Variants in ANKIB1 observed in about 807,000 individuals in gnomAD.
ANKIB1 encodes the protein ankyrin repeat and IBR domain-containing protein 1.
A neutral mutation model predicts 122.1 loss-of-function variants in ANKIB1; 43 were observed. That is an observed-to-expected ratio of 0.35 (90% CI 0.28 to 0.45). The LOEUF is 0.45. Among genes scored for constraint, ANKIB1 ranks in the 20% least tolerant of loss-of-function variants. The probability of loss-of-function intolerance (pLI) is 1.00; values close to 1 mark genes in which losing one functional copy is unlikely to be tolerated. For synonymous variants in ANKIB1, 390 were observed against 442.0 expected, an observed-to-expected ratio of 0.88 and a Z score of 1.48; for missense variants, 992 against 1,329.5, an observed-to-expected ratio of 0.75 and a Z score of 3.95.
In ANKIB1 at chr7:92,344,707, C is replaced by T. The variant is rs552072631; in HGVS notation, c.997-271C>T. 3.3e-5 allele frequency among the ~76,000 whole-genome samples: 5 copies of T among 152,226 alleles called. No homozygotes were observed. The South Asian group carries it at 8.3e-4, about 25-fold the overall frequency. On this transcript the variant is annotated intron_variant, in intron 6 of 19. Coordinates refer to ENST00000265742, the MANE Select transcript of ANKIB1 (RefSeq NM_019004.2). The stretch of plus-strand genomic sequence containing the variant: ...TGTTTCTTGTACTTCGTTTTCCAAA[C>T]GCACAGTTGCTGATTAATACATAAA...
In ANKIB1 at chr7:92,365,749, G is replaced by A. The variant is rs370582496; in HGVS notation, c.1486+3476G>A. Among the ~76,000 whole-genome samples, 4 of 151,542 alleles carry A rather than the reference G, an allele frequency of 2.6e-5. 1 individual carries two copies. On this transcript the variant is annotated intron_variant, in intron 10 of 19. Transcript: ENST00000265742. Reference sequence around the variant, plus strand: ...TTAAGATGGGTAATTCAGGTGGGAGGGGGCATATACAGGAGAGTTATAAGA... The same window carrying A: ...TTAAGATGGGTAATTCAGGTGGGAGAGGGCATATACAGGAGAGTTATAAGA...
intron 1 of ANKIB1, among the ~76,000 whole-genome samples, chr7:92,256,739 T>G (rs572990310): frequency 1.3e-5 from 2 of 152,362 alleles, no homozygotes; most frequent in Non-Finnish European, 2.9e-5. Context: ...TATCTGTATG[T>G]TACCTCAGAA....
intron 6 of ANKIB1, among the ~76,000 whole-genome samples, chr7:92,344,692 A>G (rs1174348272): frequency 2.6e-5 from 4 of 152,174 alleles, no homozygotes; most frequent in African/African-American, 9.7e-5. Flanking sequence ...TGTTTCTTGT[A>G]CTTCGTTTTC....
At chr7:92,312,265 T>C (rs980639891) in intron 3 of ANKIB1, among the ~76,000 whole-genome samples, 2 of 152,240 alleles carry the variant, frequency 1.3e-5, no homozygotes, top group Non-Finnish European at 2.9e-5. Flanking sequence ...TTAATTATTC[T>C]AAATTATTTG....
chr7:92,330,853 A>C (rs1441933417), intron 5 of ANKIB1, among the ~76,000 whole-genome samples: 2 of 152,182 alleles, frequency 1.3e-5, no homozygotes, highest in African/African-American at 2.4e-5. Context: ...AAACAAAAAC[A>C]AAAACAAAAA....
At chr7:92,302,589 A>G (rs766998771) in intron 2 of ANKIB1, among the ~76,000 whole-genome samples, 9 of 152,196 alleles carry the variant, frequency 5.9e-5, no homozygotes, top group Non-Finnish European at 1.2e-4. Context: ...TCTAATTTGG[A>G]TATATAATTC....
chr7:92,260,742 A>G (rs1157239241), intron 1 of ANKIB1, among the ~76,000 whole-genome samples: 1 of 151,932 alleles, frequency 6.6e-6, no homozygotes, highest in Non-Finnish European at 1.5e-5. Flanking sequence ...TAGACATTGC[A>G]GCACCACAAA....
chr7:92,251,754 T>C (rs1801334766), intron 1 of ANKIB1, among the ~76,000 whole-genome samples: 1 of 152,182 alleles, frequency 6.6e-6, no homozygotes, highest in Admixed American at 6.5e-5. Context: ...AAATAGGCAC[T>C]CTCTTATACA....
chr7:92,309,581 T>C (rs1262272825), intron 3 of ANKIB1, among the ~76,000 whole-genome samples: 1 of 152,118 alleles, frequency 6.6e-6, no homozygotes, highest in Admixed American at 6.6e-5. Flanking sequence ...ATTTCTCAAA[T>C]GGACTGGAGT....
intron 12 of ANKIB1, among the ~76,000 whole-genome samples, chr7:92,387,124 G>A (rs1461533940): frequency 2.6e-5 from 4 of 151,960 alleles, no homozygotes; most frequent in Admixed American, 2.6e-4. Flanking sequence ...ATGTCCTTAG[G>A]TGGCCAGAAA....
At chr7:92,379,812 T>G (rs1435714137) in intron 11 of ANKIB1, among the ~76,000 whole-genome samples, 1 of 152,194 alleles carries the variant, frequency 6.6e-6, no homozygotes, top group Non-Finnish European at 1.5e-5. Context: ...AGCCCCAGTC[T>G]GTAGCTCCAA....
intron 1 of ANKIB1, among the ~76,000 whole-genome samples, chr7:92,285,102 C>G (rs576045505): frequency 6.6e-6 from 1 of 152,266 alleles, no homozygotes; most frequent in African/African-American, 2.4e-5. Flanking sequence ...GAGCCTTGCT[C>G]TGTTGCCCAG....
chr7:92,380,797 G>A (rs1201504199), intron 11 of ANKIB1, among the ~76,000 whole-genome samples: 2 of 152,206 alleles, frequency 1.3e-5, no homozygotes, highest in East Asian at 3.9e-4. Flanking sequence ...CAAAGATGGG[G>A]AGAAGCCAGA....
rs1176821150 is a variant in ANKIB1, at chr7:92,327,656, C to T, written c.670-127C>T. 9 of 444,188 alleles carry T rather than the reference C, an allele frequency of 2.0e-5. No individual in the cohort carries two copies. In the East Asian group the frequency reaches 2.6e-4, roughly 13 times the overall value. The allele number at this position is 444,188 out of a possible 1,614,324, so 27.5% of individuals were successfully genotyped here. A position where few individuals can be genotyped will look rare whatever the true frequency, so the allele number is the denominator to read the frequency against. On this transcript the variant is annotated intron_variant, in intron 4 of 19. Transcript: ENST00000265742. ...TTTTTTCCCAAATGTTTTCAATCTA[C>T]AGTTGATCCAATCCGTGGAATGTGG...
rs990851749 is a variant in ANKIB1 at position 92,387,649 on chromosome 7, C to A, written c.1753-149C>A. ...AGACTCCGTCTCAAAAAAAAAAAAA[C>A]AAGTATTGTTTTTCTGTCAAGAAAA... is the stretch of plus-strand genomic sequence containing the variant. On this transcript the variant is annotated intron_variant, in intron 12 of 19. Coordinates refer to ENST00000265742, the MANE Select transcript of ANKIB1 (RefSeq NM_019004.2). 569 of 556,416 alleles carry A rather than the reference C, an allele frequency of 1.0e-3. 4 individuals are homozygous for A. Among genetic ancestry groups the A allele is most frequent in the African/African-American group, 9.7e-3 (496 of 50,966 alleles). The allele number at this position is 556,416 out of a possible 1,614,324, so 34.5% of individuals were successfully genotyped here.
rs1177288179 is a variant in ANKIB1 at position 92,371,460 on chromosome 7, T to G, written c.1487-17T>G. ...ACTAAATCATTTATTTTTGTGATTG[T>G]GTTTAATATCCCAAAGTTGTGGGAG... On this transcript the variant is annotated splice_polypyrimidine_tract_variant and intron_variant, in intron 10 of 19. Coordinates refer to ENST00000265742, the MANE Select transcript of ANKIB1 (RefSeq NM_019004.2). The G allele has an allele frequency of 6.3e-7, 1 of 1,594,928 alleles. No homozygotes were observed. The highest frequency in any genetic ancestry group is 8.6e-7 in the Non-Finnish European group (1 of 1,169,532).
intron 3 of ANKIB1, among the ~76,000 whole-genome samples, chr7:92,314,299 A>G (rs1043063356): frequency 6.9e-6 from 1 of 144,816 alleles, no homozygotes; most frequent in Non-Finnish European, 1.5e-5. Flanking sequence ...TGCTGTCTCC[A>G]AAAAAAAAAA....
rs193244045 is a variant in ANKIB1 at position 92,287,832 on chromosome 7, G to A, written c.-90-7057G>A. 1.2e-3 allele frequency among the ~76,000 whole-genome samples: 188 copies of A among 152,068 alleles called. 1 individual carries two copies. Among genetic ancestry groups the A allele is most frequent in the Non-Finnish European group, 2.0e-3 (138 of 67,966 alleles). ...GGGCAGATCATGAGGTCAAGAGATC[G>A]AGACCATCCTGGCTAACATGGTGAA... On this transcript the variant is annotated intron_variant, in intron 1 of 19. Coordinates refer to ENST00000265742, the MANE Select transcript of ANKIB1 (RefSeq NM_019004.2).
Position 92,284,788 on chromosome 7 carries a change from G to A in ANKIB1, c.-90-10101G>A, listed in dbSNP as rs533495897. ...AGCTTAATAATTTGTACGTGATTGC[G>A]TAGAGATTAGATGTTTGGTACCCAA... On this transcript the variant is annotated intron_variant, in intron 1 of 19. Coordinates refer to ENST00000265742, the MANE Select transcript of ANKIB1 (RefSeq NM_019004.2). Among the ~76,000 whole-genome samples, 25 of 152,210 alleles carry A rather than the reference G, an allele frequency of 1.6e-4. No homozygotes were observed. In the South Asian group the frequency reaches 1.7e-3, roughly 10 times the overall value.
Sources: gnomAD v4.1 joint callset for allele counts (sites outside exome capture counted in the v4.1 genomes callset) on GRCh38, gnomAD v4.1.1 for gene constraint, MANE v1.5 for transcripts, NCBI Gene and HGNC (gene_info 2026-07-23, HGNC 2026-07-21) for gene names.